Variants in PTPRT observed in about 807,000 individuals in gnomAD.
PTPRT encodes receptor-type tyrosine-protein phosphatase T.
In PTPRT, 56 loss-of-function variants were observed where a neutral mutation model predicts 176.8. The ratio of observed to expected loss-of-function variants is 0.32; its 90% confidence interval spans 0.26 to 0.40. The LOEUF is 0.40. PTPRT is among the 10% of genes least tolerant of loss of function. The pLI is 1.00. For synonymous variants in PTPRT, 783 were observed against 739.0 expected (o/e 1.06, Z -0.96); for missense variants, 1,540 against 1,908.2 (o/e 0.81, Z 3.60).
At chr20:42,755,971 G>A (rs780955956) in intron 6 of PTPRT, among the ~76,000 whole-genome samples, 3 of 152,130 alleles carry the variant, frequency 2.0e-5, no homozygotes, top group Non-Finnish European at 4.4e-5. Flanking sequence ...ATCTCAAGGT[G>A]AACAAGAACA....
At chr20:42,092,504 C>A (rs1204772847) in intron 27 of PTPRT, among the ~76,000 whole-genome samples, 1 of 152,156 alleles carries the variant, frequency 6.6e-6, no homozygotes, top group East Asian at 1.9e-4. Context: ...TGGCTCAGGG[C>A]AACACAGTGA....
the PTPRT span, among the ~76,000 whole-genome samples, chr20:42,064,639 G>A: frequency 6.6e-6 from 1 of 151,976 alleles, no homozygotes; most frequent in Non-Finnish European, 1.5e-5. Context: ...TATAACCTGT[G>A]CCTTTATTGA....
At chr20:42,379,725 T>G (rs1210959639) in intron 9 of PTPRT, among the ~76,000 whole-genome samples, 1 of 152,252 alleles carries the variant, frequency 6.6e-6, no homozygotes, top group Non-Finnish European at 1.5e-5. Context: ...TAATTTGAAC[T>G]TCCTTCTTCT....
At chr20:43,151,113 C>T (rs1045706332) in intron 1 of PTPRT, among the ~76,000 whole-genome samples, 2 of 151,898 alleles carry the variant, frequency 1.3e-5, no homozygotes, top group African/African-American at 2.4e-5. Context: ...TCAAGACCAG[C>T]CTAACCAACA....
Position 42,651,241 on chromosome 20 carries a change from T to C in PTPRT, c.1153+26625A>G, listed in dbSNP as rs1600550613. 3.9e-5 allele frequency among the ~76,000 whole-genome samples: 6 copies of C among 152,138 alleles called. No individual in the cohort carries two copies. In the South Asian group the frequency reaches 1.2e-3, roughly 32 times the overall value. ...GGTATTGAATGTGACAACGGACATA[T>C]ATTAAACTAGAATAAATAGGAATTA... On this transcript the variant is annotated intron_variant, in intron 7 of 30. Transcript: ENST00000373187.
intron 2 of PTPRT, among the ~76,000 whole-genome samples, chr20:42,881,724 CAAAAA>C (rs112191705): frequency 0.011 from 396 of 36,664 alleles, 3 homozygotes; most frequent in African/African-American, 0.025. Context: ...CACTCTGTCT[CAAAAA>C]AAAAAAAAAA....
intron 15 of PTPRT, among the ~76,000 whole-genome samples, chr20:42,213,247 T>C (rs1047340502): frequency 4.1e-5 from 3 of 73,862 alleles, no homozygotes; most frequent in Admixed American, 1.3e-4. Context: ...CCGAAGTAGG[T>C]GGGCCCACTC....
chr20:42,075,081 C>T lies in PTPRT; in HGVS notation c.*5798G>A. Reference sequence around the variant, plus strand: ...AGATCCCTGCAAGACAAAGCCAAGGCCTTGCATTCTATCACTTCTAGACAT... The same window carrying T: ...AGATCCCTGCAAGACAAAGCCAAGGTCTTGCATTCTATCACTTCTAGACAT... On this transcript the variant is annotated 3_prime_UTR_variant, in exon 31 of 31. Coordinates refer to ENST00000373187, the MANE Select transcript of PTPRT (RefSeq NM_007050.6). 2.6e-6 allele frequency: 1 copy of T among 380,000 alleles called. No individual in the cohort carries two copies. Among genetic ancestry groups the T allele is most frequent in the Non-Finnish European group, 4.7e-6 (1 of 214,814 alleles). The allele number at this position is 380,000 out of a possible 1,614,324, so 23.5% of individuals were successfully genotyped here.
intron 1 of PTPRT, among the ~76,000 whole-genome samples, chr20:43,105,883 T>G (rs946881415): frequency 5.3e-5 from 8 of 152,194 alleles, no homozygotes; most frequent in Admixed American, 3.3e-4. Flanking sequence ...TCTTCATTCT[T>G]GGGTGGTTAA....
chr20:42,935,147 ATTTT>A (rs57178522), intron 1 of PTPRT, among the ~76,000 whole-genome samples: 748 of 42,164 alleles, frequency 0.018, 5 homozygotes, highest in African/African-American at 0.068. Context: ...TTTTGCCATA[ATTTT>A]TTTTTTTTTT....
intron 11 of PTPRT, among the ~76,000 whole-genome samples, chr20:42,325,042 A>G (rs541201333): frequency 1.3e-5 from 2 of 152,296 alleles, no homozygotes; most frequent in Admixed American, 6.5e-5. Context: ...TAGCAGGTTC[A>G]AATTTGAATG....
intron 2 of PTPRT, among the ~76,000 whole-genome samples, chr20:42,850,706 G>C (rs992838748): frequency 6.6e-6 from 1 of 152,164 alleles, no homozygotes; most frequent in African/African-American, 2.4e-5. Context: ...GGCCAGGCCT[G>C]GTCCTTTTTC....
At chr20:43,105,633 C>T (rs1340641149) in intron 1 of PTPRT, among the ~76,000 whole-genome samples, 1 of 152,146 alleles carries the variant, frequency 6.6e-6, no homozygotes, top group African/African-American at 2.4e-5. Flanking sequence ...TTCCTGAGCT[C>T]AGGTAATCCA....
intron 8 of PTPRT, among the ~76,000 whole-genome samples, chr20:42,471,074 C>T (rs945776079): frequency 6.6e-6 from 1 of 152,112 alleles, no homozygotes; most frequent in African/African-American, 2.4e-5. Context: ...ATACCTTGAG[C>T]TTGAGATGAC....
chr20:42,111,103 G>A (rs1409004609), intron 22 of PTPRT, among the ~76,000 whole-genome samples: 2 of 152,276 alleles, frequency 1.3e-5, no homozygotes, highest in East Asian at 3.9e-4. Flanking sequence ...AGAGCTCTGA[G>A]CGGTTCCCCT....
intron 1 of PTPRT, among the ~76,000 whole-genome samples, chr20:42,985,218 C>T (rs1166419021): frequency 5.3e-5 from 8 of 152,052 alleles, no homozygotes; most frequent in Non-Finnish European, 8.8e-5. Flanking sequence ...GGAATACCGC[C>T]GGGTGTGGTG....
At chr20:42,422,109 C>T (rs537509848) in intron 9 of PTPRT, among the ~76,000 whole-genome samples, 3 of 152,242 alleles carry the variant, frequency 2.0e-5, no homozygotes, top group East Asian at 1.9e-4. Flanking sequence ...ATCTGGATGA[C>T]GACCTAACCA....
intron 9 of PTPRT, among the ~76,000 whole-genome samples, chr20:42,356,845 C>A (rs1376089578): frequency 1.3e-5 from 2 of 152,156 alleles, no homozygotes; most frequent in African/African-American, 4.8e-5. Flanking sequence ...GCACCCCAAG[C>A]CTTACTTCAG....
chr20:42,053,231 G>A, the PTPRT span, among the ~76,000 whole-genome samples: 4 of 152,242 alleles, frequency 2.6e-5, no homozygotes, highest in South Asian at 8.3e-4. Context: ...GCTCTGCGGT[G>A]GGATCCATGA....
Sources: allele counts gnomAD v4.1 joint callset (sites outside exome capture counted in the v4.1 genomes callset), GRCh38; gene constraint gnomAD v4.1.1; transcripts MANE v1.5; gene names NCBI Gene and HGNC (gene_info 2026-07-23, HGNC 2026-07-21).